Variants in IKZF3 observed in about 807,000 individuals in gnomAD.
The protein encoded by IKZF3 is IKAROS family zinc finger 3.
In IKZF3, 10 loss-of-function variants were observed where a neutral mutation model predicts 49.0. The ratio of observed to expected loss-of-function variants is 0.20; its 90% confidence interval spans 0.13 to 0.35. The LOEUF is 0.35. Ranked by LOEUF, IKZF3 falls within the 10% of genes least tolerant of loss-of-function variation. The pLI, the probability that IKZF3 is intolerant of heterozygous loss-of-function variation, is 1.00. For synonymous variants in IKZF3, 209 were observed against 228.2 expected, an observed-to-expected ratio of 0.92 and a Z score of 0.76; for missense variants, 498 against 664.8, an observed-to-expected ratio of 0.75 and a Z score of 2.76.
chr17:39,857,420 A>C (rs1467733645), intron 1 of IKZF3, among the ~76,000 whole-genome samples: 1 of 152,246 alleles, frequency 6.6e-6, no homozygotes, highest in African/African-American at 2.4e-5. Context: ...GATGTTCAAC[A>C]ATTTTAAGAA....
In IKZF3 at chr17:39,764,756, C is replaced by T. The variant is rs889530995; in HGVS notation, c.*1034G>A. The T allele has an allele frequency of 3.9e-5, 6 of 152,270 alleles. No homozygotes were observed. The highest frequency in any genetic ancestry group is 6.8e-3 in the Middle Eastern group (2 of 292). 9.4% of individuals were successfully genotyped at this position (152,270 alleles called of 1,614,324 possible). Reference sequence around the variant, plus strand: ...AGAGGTGTCCCTCCTCACCCCATTCCGGAGCTCAACTCCGATCTAAACACA... The same window carrying T: ...AGAGGTGTCCCTCCTCACCCCATTCTGGAGCTCAACTCCGATCTAAACACA... On this transcript the variant is annotated 3_prime_UTR_variant, in exon 8 of 8. Coordinates refer to ENST00000346872, the MANE Select transcript of IKZF3 (RefSeq NM_012481.5).
chr17:39,827,491 AGAGATGAGGCCTCACCATGTTGCC>A (rs2061988801), intron 3 of IKZF3, among the ~76,000 whole-genome samples: 1 of 151,336 alleles, frequency 6.6e-6, no homozygotes, highest in South Asian at 2.1e-4. Context: ...TTTTTTTTAT[AGAGATGAGGCCTCACCATGTTGCC>A]CAGGCTGGGC....
intron 3 of IKZF3, among the ~76,000 whole-genome samples, chr17:39,807,273 A>C (rs2061450228): frequency 6.6e-6 from 1 of 152,230 alleles, no homozygotes; most frequent in Admixed American, 6.5e-5. Flanking sequence ...GCTCAAAAGC[A>C]GTGATAACCT....
At chr17:39,864,092 G>A (rs748588737) in intron 1 of IKZF3, 28 bp downstream of exon 1, 1 of 1,612,976 alleles carries the variant, frequency 6.2e-7, no homozygotes. Context: ...CAAAGACCCC[G>A]GAGAAAAGAA....
chr17:39,837,126 G>A (rs1012857274), intron 1 of IKZF3, among the ~76,000 whole-genome samples: 1 of 152,060 alleles, frequency 6.6e-6, no homozygotes, highest in African/African-American at 2.4e-5. Flanking sequence ...TAGGGACGGG[G>A]GTCTCACTGT....
chr17:39,792,858 G>T lies in IKZF3; in HGVS notation c.239C>A (p.Ala80Glu). Residue 80 changes from alanine (A) to glutamate (E), a missense_variant, in exon 4 of 8, where the codon GCA becomes GAA. This residue lies in a region of IKZF3 where 97 missense variants were observed against 98.9 expected (regional missense o/e 0.98). Coordinates refer to ENST00000346872, the MANE Select transcript of IKZF3 (RefSeq NM_012481.5). ...GCTGTAAGGGATTTCAGGCTCTTCTGCATTTCCCATGGGTTCTGACTTTAA... is the reference window on the plus strand; with the variant it reads ...GCTGTAAGGGATTTCAGGCTCTTCTTCATTTCCCATGGGTTCTGACTTTAA... ...NVLKSEPMGN[A>E]EEPEIPYSYS... is the part of the protein sequence containing the mutation. 1 of 1,613,848 alleles carries T rather than the reference G, an allele frequency of 6.2e-7. No individual in the cohort carries two copies. The highest frequency in any genetic ancestry group is 2.2e-5 in the East Asian group (1 of 44,878).
intron 3 of IKZF3, among the ~76,000 whole-genome samples, chr17:39,827,522 G>T (rs2061990320): frequency 6.6e-6 from 1 of 151,794 alleles, no homozygotes; most frequent in South Asian, 2.1e-4. Context: ...TGCCCAGGCT[G>T]GGCCCAAATT....
intron 3 of IKZF3, among the ~76,000 whole-genome samples, chr17:39,798,183 G>A (rs187604155): frequency 5.7e-4 from 87 of 152,092 alleles, no homozygotes; most frequent in African/African-American, 2.0e-3. Flanking sequence ...TGTAGCCCCC[G>A]CACTGTTCTC....
intron 1 of IKZF3, among the ~76,000 whole-genome samples, chr17:39,860,379 A>T (rs2063183579): frequency 6.6e-6 from 1 of 152,204 alleles, no homozygotes; most frequent in African/African-American, 2.4e-5. Flanking sequence ...TTAAAGTATC[A>T]CTTGAAAGCG....
At chr17:39,792,995 A>C in intron 3 of IKZF3, 62 bp from the exon 4 acceptor site, 3 of 1,530,402 alleles carry the variant, frequency 2.0e-6, no homozygotes, top group Non-Finnish European at 2.7e-6. Context: ...AAAGCAGCTC[A>C]AACAGCAGAG....
chr17:39,793,255 A>G (rs2061075105), intron 3 of IKZF3, among the ~76,000 whole-genome samples: 1 of 152,214 alleles, frequency 6.6e-6, no homozygotes, highest in African/African-American at 2.4e-5. Context: ...CTTCTCCAGT[A>G]CTAGGGGAGA....
intron 3 of IKZF3, 74 bp from the exon 4 acceptor site, chr17:39,793,007 C>G: frequency 7.0e-7 from 1 of 1,419,476 alleles, no homozygotes; most frequent in Non-Finnish European, 9.7e-7. Context: ...ACAGCAGAGA[C>G]CCACAACTGA....
At chr17:39,773,737 G>C (rs1429756937) in intron 7 of IKZF3, among the ~76,000 whole-genome samples, 2 of 152,216 alleles carry the variant, frequency 1.3e-5, no homozygotes, top group Admixed American at 1.3e-4. Context: ...GCATCCAAGA[G>C]AGAAATCCAT....
chr17:39,788,400 C>G, intron 5 of IKZF3, 26 bp from the exon 6 acceptor site: 11 of 1,434,134 alleles, frequency 7.7e-6, no homozygotes, highest in South Asian at 1.1e-5. Context: ...AAGGGGCACT[C>G]AGTGACCCTC....
intron 7 of IKZF3, among the ~76,000 whole-genome samples, chr17:39,767,897 T>C (rs2060334401): frequency 6.6e-6 from 1 of 151,920 alleles, no homozygotes; most frequent in Non-Finnish European, 1.5e-5. Context: ...ACCTTGTCTC[T>C]ACAAAAAAAT....
intron 1 of IKZF3, among the ~76,000 whole-genome samples, chr17:39,833,862 AC>A (rs1376067083): frequency 2.6e-5 from 4 of 152,320 alleles, no homozygotes; most frequent in South Asian, 2.1e-4. Flanking sequence ...TTAGTATGGT[AC>A]ATCAGTTATA....
At chr17:39,848,183 CT>C (rs1423696531) in intron 1 of IKZF3, among the ~76,000 whole-genome samples, 1 of 152,046 alleles carries the variant, frequency 6.6e-6, no homozygotes, top group Non-Finnish European at 1.5e-5. Context: ...TGTTCCAGTT[CT>C]TCCTACCCTC....
intron 3 of IKZF3, among the ~76,000 whole-genome samples, chr17:39,813,944 G>C (rs1445783314): frequency 6.6e-6 from 1 of 152,208 alleles, no homozygotes; most frequent in South Asian, 2.1e-4. Flanking sequence ...CGAGGCTGAC[G>C]CGGTCTCTCC....
intron 3 of IKZF3, among the ~76,000 whole-genome samples, chr17:39,812,764 A>T (rs948999448): frequency 6.6e-6 from 1 of 152,214 alleles, no homozygotes; most frequent in Non-Finnish European, 1.5e-5. Context: ...CTCTTAATCC[A>T]GCTGGAAGGA....
Sources: allele counts gnomAD v4.1 joint callset (sites outside exome capture counted in the v4.1 genomes callset), GRCh38; gene constraint gnomAD v4.1.1; regional missense constraint gnomAD v4.1.1; transcripts MANE v1.5; gene names NCBI Gene and HGNC (gene_info 2026-07-23, HGNC 2026-07-21).